SNAPC4: variants seen among roughly 807,000 people sequenced by gnomAD.
The protein encoded by SNAPC4 is small nuclear RNA activating complex polypeptide 4.
A neutral mutation model predicts 151.3 loss-of-function variants in SNAPC4; 127 were observed. The observed-to-expected ratio is 0.84, with a 90% CI of 0.73 to 0.97. SNAPC4 has a LOEUF of 0.97. SNAPC4 is among the 50% of genes least tolerant of loss of function. The pLI, the probability that SNAPC4 is intolerant of heterozygous loss-of-function variation, is 0.00. For synonymous variants in SNAPC4, 1,002 were observed against 824.4 expected (o/e 1.22, Z -3.69); for missense variants, 2,186 against 1,935.0 (o/e 1.13, Z -2.43).
intron 10 of SNAPC4, among the ~76,000 whole-genome samples, chr9:136,390,277 C>T (rs999028854): frequency 7.2e-5 from 11 of 152,118 alleles, no homozygotes; most frequent in African/African-American, 2.4e-4. Context: ...AGGGATGGGC[C>T]GGGCGCGGTG....
Position 136,383,186 on chromosome 9 carries a change from C to A in SNAPC4, c.1983G>T (p.Glu661Asp), listed in dbSNP as rs1250962181. ...TGGTACACCCAGGGCCGGGGCCTAC[C>A]TCCAGGGCCTGCTTCTCTGCGCCCG... Reference protein sequence around the residue: ...RPAGAEKQALEGGRRLLTVPV... With the variant: ...RPAGAEKQALDGGRRLLTVPV... Residue 661 changes from glutamate (E) to aspartate (D), a missense_variant and splice_region_variant, in exon 16 of 24, where the codon GAG (glutamate) becomes GAT (aspartate). Physicochemically the swap from Glu to Asp is conservative, Grantham distance 45 (BLOSUM62 2). Transcript: ENST00000684778. The surrounding 1 kb of genome is among the most constrained non-coding windows in gnomAD (Gnocchi z 4.2). 6.5e-7 allele frequency: 1 copy of A among 1,531,642 alleles called. No homozygotes were observed. 94.9% of individuals were successfully genotyped at this position (1,531,642 alleles called of 1,614,324 possible).
In SNAPC4 at chr9:136,377,590, C is replaced by G; in HGVS notation, c.4237G>C (p.Asp1413His). 1 of 1,530,526 alleles carries G rather than the reference C, an allele frequency of 6.5e-7. No individual in the cohort carries two copies. Among genetic ancestry groups the G allele is most frequent in the Non-Finnish European group, 8.8e-7 (1 of 1,136,622 alleles). 94.8% of individuals were successfully genotyped at this position (1,530,526 alleles called of 1,614,324 possible). ...GTGCAGCCCGGCTGCCCGTCCCTGT[C>G]TGCAAGTTCCAGCTCACTCAGGAGG... ...EDLLSELELADRDGQPGCTTA... is the reference protein window; with the variant it reads ...EDLLSELELAHRDGQPGCTTA... Residue 1413 changes from aspartate (D) to histidine (H), a missense_variant, in exon 22 of 24, where the codon GAC becomes CAC. By Grantham distance (81) the Asp-to-His change is moderately conservative. Transcript: ENST00000684778.
rs759443465 is a variant in SNAPC4 at position 136,378,054 on chromosome 9, G to A, written c.3773C>T (p.Pro1258Leu). The change falls in exon 22 of 24, where the codon CCC (proline) becomes CTC (leucine). Residue 1258 changes from proline to leucine, a missense_variant. Coordinates refer to ENST00000684778, the MANE Select transcript of SNAPC4 (RefSeq NM_003086.4). ...CTTCTCAGGCCCAGGCTGGGGTAGGGGCGGCTTCTCCAGGTCCAGGGCCCC... is the reference window on the plus strand; with the variant it reads ...CTTCTCAGGCCCAGGCTGGGGTAGGAGCGGCTTCTCCAGGTCCAGGGCCCC... ...EKGALDLEKP[P>L]LPQPGPEKGA... The A allele has an allele frequency of 7.0e-6, 11 of 1,578,360 alleles. No homozygotes were observed. The South Asian group carries it at 8.0e-5, about 11-fold the overall frequency.
intron 1 of SNAPC4, chr9:136,398,761 A>C: frequency 4.2e-6 from 1 of 239,348 alleles, no homozygotes; most frequent in Non-Finnish European, 8.4e-6. Flanking sequence ...TCCCACACCA[A>C]GCCACATGGA....
At position 136,379,116 on chromosome 9, in the gene SNAPC4, T is replaced by C. The variant is rs776017597; in HGVS notation, c.2711A>G (p.Glu904Gly). The C allele has an allele frequency of 5.1e-6, 8 of 1,561,922 alleles. No homozygotes were observed. Among genetic ancestry groups the C allele is most frequent in the Admixed American group, 2.0e-5 (1 of 51,156 alleles). The change falls in exon 22 of 24, where the codon GAG becomes GGG. Residue 904 changes from glutamate (E) to glycine (G), a missense_variant. Glu to Gly is a moderately conservative substitution (Grantham distance 98). Transcript: ENST00000684778. ...CCGGGTGGCCTCCCTGGCACGGGCC[T>C]CCTGAAGCCGCTTCTCCTGAAGCAG... ...SELLQEKRLQEARAREATRGP... is the reference protein window; with the variant it reads ...SELLQEKRLQGARAREATRGP...
chr9:136,391,072 G>C (rs1173668434), intron 10 of SNAPC4, among the ~76,000 whole-genome samples: 1 of 152,152 alleles, frequency 6.6e-6, no homozygotes, highest in Non-Finnish European at 1.5e-5. Context: ...GACCTCAGGT[G>C]ATCCGCCAGC....
chr9:136,376,758 C>A (rs1048541683), intron 22 of SNAPC4, among the ~76,000 whole-genome samples: 3 of 152,218 alleles, frequency 2.0e-5, no homozygotes, highest in African/African-American at 7.2e-5. Flanking sequence ...GGAGGCTGTA[C>A]ATGGATGGGG....
intron 9 of SNAPC4, 102 bp downstream of exon 9, chr9:136,392,420 T>C: frequency 8.5e-7 from 1 of 1,175,638 alleles, no homozygotes; most frequent in African/African-American, 1.5e-5. Flanking sequence ...GCAGAACCTG[T>C]TGCCAGGGAG....
intron 9 of SNAPC4, 137 bp downstream of exon 9, chr9:136,392,385 T>A: frequency 1.1e-6 from 1 of 918,846 alleles, no homozygotes; most frequent in African/African-American, 1.6e-5. Context: ...GACATGTGCT[T>A]GACCCGGGTG....
At position 136,395,283 on chromosome 9, in the gene SNAPC4, G is replaced by T. The variant is rs768081328; in HGVS notation, c.471+15C>A. 6.2e-7 allele frequency: 1 copy of T among 1,611,488 alleles called. No individual in the cohort carries two copies. The highest frequency in any genetic ancestry group is 8.5e-7 in the Non-Finnish European group (1 of 1,178,816). ...GCAGAGCCTTGCCGACAAGAGCAGG[G>T]CCTCGGCCACTCACCACGCCCGTGA... is the stretch of plus-strand genomic sequence containing the variant. On this transcript the variant is annotated intron_variant, in intron 5 of 23. Coordinates refer to ENST00000684778, the MANE Select transcript of SNAPC4 (RefSeq NM_003086.4).
chr9:136,382,035 G>C lies in SNAPC4; in HGVS notation c.2106C>G (p.Ser702=), dbSNP rs750638258. The C allele has an allele frequency of 6.2e-7, 1 of 1,602,754 alleles. No individual in the cohort carries two copies. The highest frequency in any genetic ancestry group is 1.7e-5 in the Admixed American group (1 of 58,866). ...QLRQPPLPTS[S]PGVSSGDSVA... ...CGCTGTCACCAGAGCTGACCCCTGG[G>C]GATGAGGTGGGCAGGGGTGGCTGCC... The change falls in exon 18 of 24, where the codon TCC becomes TCG. Residue 702 remains serine, a synonymous_variant. Transcript: ENST00000684778.
rs753066702 is a variant in SNAPC4 at position 136,378,986 on chromosome 9, G to A, written c.2841C>T (p.Val947=). The change falls in exon 22 of 24, where the codon GTC becomes GTT. Residue 947 remains valine, a synonymous_variant. Transcript: ENST00000684778. ...CAGGCCCAGAGAGCGGTACATTTAA[G>A]ACGGTGGGACCCGGGGCTGGGCGGC... ...PHGRPAPGPT[V]LNVPLSGPGA... 1.1e-5 allele frequency: 18 copies of A among 1,608,058 alleles called. No individual in the cohort carries two copies. In the African/African-American group the frequency reaches 2.4e-4, roughly 21 times the overall value.
At chr9:136,392,992 G>A (rs967030858) in intron 7 of SNAPC4, among the ~76,000 whole-genome samples, 5 of 152,208 alleles carry the variant, frequency 3.3e-5, no homozygotes, top group Admixed American at 1.3e-4. Flanking sequence ...TGCTGACACA[G>A]AGGCTACCGC....
intron 11 of SNAPC4, 100 bp downstream of exon 11, chr9:136,388,344 C>T: frequency 8.0e-7 from 1 of 1,251,754 alleles, no homozygotes; most frequent in South Asian, 1.4e-5. Flanking sequence ...AAGCCCTCGT[C>T]TGTCTTGTTG....
chr9:136,388,671 C>G, intron 10 of SNAPC4, 80 bp from the exon 11 acceptor site: 2 of 1,564,400 alleles, frequency 1.3e-6, no homozygotes, highest in Non-Finnish European at 1.8e-6. Flanking sequence ...CCCCAGGGCA[C>G]AGGTGGGCCC....
At position 136,378,209 on chromosome 9, in the gene SNAPC4, C is replaced by A; in HGVS notation, c.3618G>T (p.Leu1206=). ...PEAEPPWSGR[L]PAFGGVIPAT... is the part of the protein sequence containing the mutation. Reference sequence around the variant, plus strand: ...CTGGGATGACACCACCGAAGGCTGGCAGCCTCCCGGACCAAGGGGGTTCTG... The same window carrying A: ...CTGGGATGACACCACCGAAGGCTGGAAGCCTCCCGGACCAAGGGGGTTCTG... Residue 1206 remains leucine (L), a synonymous_variant, in exon 22 of 24, where the codon CTG becomes CTT. Transcript: ENST00000684778. 1 of 1,611,994 alleles carries A rather than the reference C, an allele frequency of 6.2e-7. No homozygotes were observed. Among genetic ancestry groups the A allele is most frequent in the Non-Finnish European group, 8.5e-7 (1 of 1,179,698 alleles).
chr9:136,390,117 C>T (rs999477880), intron 10 of SNAPC4, among the ~76,000 whole-genome samples: 2 of 152,112 alleles, frequency 1.3e-5, no homozygotes, highest in Admixed American at 1.3e-4. Flanking sequence ...GTAAAACGGA[C>T]TCGACACACC....
At chr9:136,392,250 C>A in intron 9 of SNAPC4, 144 bp from the exon 10 acceptor site, 1 of 1,040,024 alleles carries the variant, frequency 9.6e-7, no homozygotes, top group Non-Finnish European at 1.4e-6. Context: ...CTCACTAGGC[C>A]TTGCATAGCC....
In SNAPC4 at chr9:136,383,146, A is replaced by G. The variant is rs747730125; in HGVS notation, c.1983+40T>C. The G allele has an allele frequency of 7.3e-6, 11 of 1,509,552 alleles. No individual in the cohort carries two copies. In the South Asian group the frequency reaches 1.2e-4, roughly 16 times the overall value. The allele number at this position is 1,509,552 out of a possible 1,614,324, so 93.5% of individuals were successfully genotyped here. A position where few individuals can be genotyped will look rare whatever the true frequency, so the allele number is the denominator to read the frequency against. ...CGTCAGCCCTGGCGAGCGAGTGCCG[A>G]AAGTGCACTTCCCGTGGTACACCCA... On this transcript the variant is annotated intron_variant, in intron 16 of 23. Transcript: ENST00000684778. The surrounding 1 kb of genome is among the most constrained non-coding windows in gnomAD (Gnocchi z 4.2).
Sources: gnomAD v4.1 joint callset for allele counts (sites outside exome capture counted in the v4.1 genomes callset) on GRCh38, gnomAD v4.1.1 for gene constraint, Gnocchi (gnomAD v3.1) non-coding constraint, MANE v1.5 for transcripts, NCBI Gene and HGNC (gene_info 2026-07-23, HGNC 2026-07-21) for gene names.